Variants in CDH11 observed in about 807,000 individuals in gnomAD.
CDH11 encodes cadherin-11.
Under a neutral mutation model 67.8 loss-of-function variants are expected in CDH11, and 11 were observed. The ratio of observed to expected loss-of-function variants is 0.16; its 90% CI spans 0.10 to 0.27. CDH11 has a LOEUF of 0.27. Ranked by LOEUF, CDH11 falls within the 10% of genes least tolerant of loss-of-function variation. The pLI is 1.00. For synonymous variants in CDH11, 419 were observed against 400.0 expected (o/e 1.05, Z -0.57); for missense variants, 847 against 1,031.2 (o/e 0.82, Z 2.45).
intron 7 of CDH11, chr16:64,987,835 C>T: frequency 4.7e-6 from 1 of 213,310 alleles, no homozygotes; most frequent in Non-Finnish European, 9.2e-6. Context: ...CATGCATGCT[C>T]AGGGCTGCTT....
At chr16:65,013,842 GA>G (rs1445011348) in intron 2 of CDH11, among the ~76,000 whole-genome samples, 1 of 151,328 alleles carries the variant, frequency 6.6e-6, no homozygotes, top group Non-Finnish European at 1.5e-5. Context: ...AAAAAAGAAA[GA>G]AAAAGGGAAA....
chr16:65,036,720 C>T (rs183882062), intron 2 of CDH11, among the ~76,000 whole-genome samples: 88 of 152,204 alleles, frequency 5.8e-4, no homozygotes, highest in Non-Finnish European at 1.0e-3. Flanking sequence ...GCAGACCCCC[C>T]TCAAAAGAGT....
rs751908119 is a variant in CDH11 at position 64,947,916 on chromosome 16, C to T, written c.2078G>A (p.Arg693His). The change falls in exon 13 of 13, where the codon CGC becomes CAC. Residue 693 changes from arginine (R) to histidine (H), a missense_variant. Around this residue, in one of 2 missense-constraint regions of CDH11, gnomAD observed 612 missense variants for 678.7 expected, o/e 0.90. Coordinates refer to ENST00000268603, the MANE Select transcript of CDH11 (RefSeq NM_001797.4). Reference sequence around the variant, plus strand: ...CTGATACTCAGGTTTGATGTCTTTGCGGGGGATAAATCCATTGATACCATC... The same window carrying T: ...CTGATACTCAGGTTTGATGTCTTTGTGGGGGATAAATCCATTGATACCATC... ...NPDGINGFIP[R>H]KDIKPEYQYM... 5.6e-6 allele frequency: 9 copies of T among 1,613,970 alleles called. No individual in the cohort carries two copies. Among genetic ancestry groups the T allele is most frequent in the East Asian group, 2.2e-5 (1 of 44,880 alleles).
intron 11 of CDH11, among the ~76,000 whole-genome samples, chr16:64,963,711 G>GA (rs1310387863): frequency 3.3e-5 from 5 of 152,058 alleles, no homozygotes; most frequent in East Asian, 1.9e-4. Context: ...GAGGTCAGGA[G>GA]AAAAAAACCC....
At chr16:65,048,692 A>G (rs747007108) in intron 2 of CDH11, among the ~76,000 whole-genome samples, 1 of 152,038 alleles carries the variant, frequency 6.6e-6, no homozygotes, top group Non-Finnish European at 1.5e-5. Context: ...ATGTGTGTGT[A>G]TATGTAGATA....
chr16:65,117,505 T>C (rs2075262343), intron 1 of CDH11, among the ~76,000 whole-genome samples: 1 of 152,176 alleles, frequency 6.6e-6, no homozygotes, highest in Non-Finnish European at 1.5e-5. Flanking sequence ...AAAAATCAAA[T>C]GATTATACTC....
chr16:65,042,167 CCAGGACG>C (rs1377819779), intron 2 of CDH11, among the ~76,000 whole-genome samples: 1 of 152,180 alleles, frequency 6.6e-6, no homozygotes, highest in African/African-American at 2.4e-5. Flanking sequence ...CCCTTGACAT[CCAGGACG>C]TAGGGGTGGG....
At chr16:65,122,138 G>C (rs560572154), upstream of CDH11, 8 of 512,970 alleles carry the variant, frequency 1.6e-5, no homozygotes, top group East Asian at 1.6e-4. Flanking sequence ...GTGCGGGGCG[G>C]GGGGGGCGGG....
chr16:65,034,458 T>A (rs2073711680), intron 2 of CDH11, among the ~76,000 whole-genome samples: 2 of 152,154 alleles, frequency 1.3e-5, no homozygotes, highest in African/African-American at 4.8e-5. Context: ...ACCCCTGTTA[T>A]CCTGGCCACA....
At chr16:64,970,628 A>G (rs2071979830) in intron 11 of CDH11, among the ~76,000 whole-genome samples, 1 of 152,230 alleles carries the variant, frequency 6.6e-6, no homozygotes, top group Admixed American at 6.5e-5. Context: ...GATAACAGTA[A>G]TGGGGAAAGT....
chr16:65,093,733 C>A (rs16968464), intron 1 of CDH11, among the ~76,000 whole-genome samples: 2,851 of 152,212 alleles, frequency 0.019, 102 homozygotes, highest in African/African-American at 0.066. Context: ...ATAGTCCCTA[C>A]CGTCAAAATG....
At chr16:65,080,102 T>C (rs1451595673) in intron 1 of CDH11, among the ~76,000 whole-genome samples, 1 of 152,190 alleles carries the variant, frequency 6.6e-6, no homozygotes, top group Non-Finnish European at 1.5e-5. Context: ...TCTTCTTCTG[T>C]CGTACCTGAC....
rs964033283 is a variant in CDH11, at chr16:65,121,425, C to G, written c.-298+455G>C. On this transcript the variant is annotated intron_variant, in intron 1 of 12. Coordinates refer to ENST00000268603, the MANE Select transcript of CDH11 (RefSeq NM_001797.4). This position sits in a 1 kb window ranked among gnomAD's most constrained non-coding sequence, Gnocchi z 4.1. ...CCGGGAGGATGGAGTAAGAACCCCGCAGAGCGCGGTCATGTCGCCGCTTTG... is the reference window on the plus strand; with the variant it reads ...CCGGGAGGATGGAGTAAGAACCCCGGAGAGCGCGGTCATGTCGCCGCTTTG... 6.6e-6 allele frequency among the ~76,000 whole-genome samples: 1 copy of G among 152,180 alleles called. No individual in the cohort carries two copies. The highest frequency in any genetic ancestry group is 1.5e-5 in the Non-Finnish European group (1 of 68,030).
chr16:65,045,772 G>C (rs1405268827), intron 2 of CDH11, among the ~76,000 whole-genome samples: 1 of 152,116 alleles, frequency 6.6e-6, no homozygotes, highest in African/African-American at 2.4e-5. Flanking sequence ...GTAATTCCTT[G>C]GAGATTCCAC....
chr16:65,120,663 T>C (rs2075310715), intron 1 of CDH11, among the ~76,000 whole-genome samples: 1 of 152,106 alleles, frequency 6.6e-6, no homozygotes, highest in Non-Finnish European at 1.5e-5. Flanking sequence ...AGATGCGATT[T>C]CTTAATAGCA....
At chr16:64,971,777 A>T in intron 10 of CDH11, 81 bp from the exon 11 acceptor site, 2 of 1,407,512 alleles carry the variant, frequency 1.4e-6, no homozygotes, top group Non-Finnish European at 2.0e-6. Flanking sequence ...CTGGCTAGAA[A>T]GCCTGATTTT....
intron 1 of CDH11, chr16:65,119,122 G>C (rs192125733): frequency 1.3e-5 from 2 of 152,186 alleles, no homozygotes; most frequent in East Asian, 3.9e-4. Flanking sequence ...CCCATATGAG[G>C]GTCCCCAAAC....
intron 3 of CDH11, among the ~76,000 whole-genome samples, chr16:65,003,855 G>T (rs1231476181): frequency 6.6e-6 from 1 of 152,152 alleles, no homozygotes. Context: ...AGTACACAAG[G>T]ATGACACTGC....
intron 1 of CDH11, among the ~76,000 whole-genome samples, chr16:65,074,797 A>C (rs921124951): frequency 6.6e-6 from 1 of 152,234 alleles, no homozygotes; most frequent in African/African-American, 2.4e-5. Context: ...CCACATTCAA[A>C]ATAGTATTTT....
Sources: gnomAD v4.1 joint callset for allele counts (sites outside exome capture counted in the v4.1 genomes callset) on GRCh38, gnomAD v4.1.1 for gene constraint, gnomAD v4.1.1 regional missense constraint, Gnocchi (gnomAD v3.1) non-coding constraint, MANE v1.5 for transcripts, NCBI Gene and HGNC (gene_info 2026-07-23, HGNC 2026-07-21) for gene names.